The following DCC variants were observed in gnomAD, a reference collection of about 807,000 sequenced individuals.
The protein encoded by DCC is netrin receptor DCC.
DCC carries 58 observed loss-of-function variants against 172.5 expected under a neutral mutation model. The observed-to-expected ratio is 0.34, with a 90% confidence interval of 0.27 to 0.42. DCC has a LOEUF of 0.42. Ranked by LOEUF, DCC falls within the 10% of genes least tolerant of loss-of-function variation. DCC has a pLI of 1.00. For missense variants in DCC, 1,740 were observed against 1,791.0 expected (o/e 0.97, Z 0.51); for synonymous variants, 709 against 644.5 (o/e 1.10, Z -1.52).
intron 27 of DCC, among the ~76,000 whole-genome samples, chr18:53,512,610 G>C (rs1309188505): frequency 6.6e-6 from 1 of 151,566 alleles, no homozygotes; most frequent in African/African-American, 2.4e-5. Context: ...ACAGAGAAGT[G>C]CTTAAAGGAG....
chr18:53,097,118 T>C (rs2043099470), intron 7 of DCC, among the ~76,000 whole-genome samples: 1 of 152,208 alleles, frequency 6.6e-6, no homozygotes, highest in African/African-American at 2.4e-5. Flanking sequence ...ACTGTGCCCA[T>C]GCAATAATAA....
intron 5 of DCC, among the ~76,000 whole-genome samples, chr18:52,946,468 ATTT>A (rs112763445): frequency 8.6e-5 from 13 of 150,502 alleles, no homozygotes; most frequent in Admixed American, 8.6e-4. Context: ...TTAAAATGAC[ATTT>A]TTTTTTTCTC....
intron 1 of DCC, among the ~76,000 whole-genome samples, chr18:52,460,365 T>C (rs890381643): frequency 4.6e-5 from 7 of 152,210 alleles, no homozygotes; most frequent in Non-Finnish European, 1.0e-4. Flanking sequence ...CCATAGCATT[T>C]GATCTAGCTG....
Position 53,533,478 on chromosome 18 carries a change from T to C in DCC, c.*2825T>C, listed in dbSNP as rs1200712998. On this transcript the variant is annotated 3_prime_UTR_variant, in exon 29 of 29. Coordinates refer to ENST00000442544, the MANE Select transcript of DCC (RefSeq NM_005215.4). ...AAATGTCAGGCAACATCCTCTTTTT[T>C]TTAAAAAAAATGGTATTTTTCTTTA... is the stretch of plus-strand genomic sequence containing the variant. 1 of 152,068 alleles carries C rather than the reference T, an allele frequency of 6.6e-6. No individual in the cohort carries two copies. The highest frequency in any genetic ancestry group is 2.4e-5 in the African/African-American group (1 of 41,410). The allele number at this position is 152,068 out of a possible 1,614,324, so 9.4% of individuals were successfully genotyped here.
intron 1 of DCC, among the ~76,000 whole-genome samples, chr18:52,562,859 G>A (rs2144743068): frequency 6.6e-6 from 1 of 151,922 alleles, no homozygotes; most frequent in East Asian, 1.9e-4. Flanking sequence ...CAAACTCCTG[G>A]GCTTAAGTGA....
intron 1 of DCC, among the ~76,000 whole-genome samples, chr18:52,472,766 A>T (rs1988983633): frequency 6.6e-6 from 1 of 152,096 alleles, no homozygotes; most frequent in African/African-American, 2.4e-5. Flanking sequence ...TTAGCCGGGT[A>T]AGGTGGCATG....
chr18:52,528,846 A>G, intron 1 of DCC, among the ~76,000 whole-genome samples: 1 of 152,164 alleles, frequency 6.6e-6, no homozygotes, highest in Middle Eastern at 3.2e-3. Context: ...TGGGATAAAA[A>G]TACGACTGGT....
chr18:53,141,961 T>A (rs940690151), intron 7 of DCC, among the ~76,000 whole-genome samples: 1 of 152,206 alleles, frequency 6.6e-6, no homozygotes, highest in Non-Finnish European at 1.5e-5. Context: ...CTGTCCAACA[T>A]GTTGAATTCC....
chr18:52,886,605 T>A (rs2039573118), intron 2 of DCC, among the ~76,000 whole-genome samples: 1 of 152,112 alleles, frequency 6.6e-6, no homozygotes, highest in Non-Finnish European at 1.5e-5. Flanking sequence ...TTCGTTGTCT[T>A]TTTTCCTGTC....
At chr18:52,689,490 A>G (rs1022191966) in intron 1 of DCC, among the ~76,000 whole-genome samples, 1 of 152,086 alleles carries the variant, frequency 6.6e-6, no homozygotes, top group African/African-American at 2.4e-5. Context: ...GAATACTTAT[A>G]ATAAGTTGTC....
chr18:53,448,662 C>A (rs1328180715), intron 22 of DCC, among the ~76,000 whole-genome samples: 1 of 149,450 alleles, frequency 6.7e-6, no homozygotes, highest in Non-Finnish European at 1.5e-5. Context: ...TGTTCAAGAC[C>A]AGCCTGGTCA....
chr18:52,917,967 G>C (rs187365151), intron 3 of DCC, among the ~76,000 whole-genome samples: 1 of 142,466 alleles, frequency 7.0e-6, no homozygotes, highest in Non-Finnish European at 1.6e-5. Context: ...ACCAAAATTT[G>C]ACATTAGAAA....
At chr18:53,411,810 A>C (rs1910006755) in intron 20 of DCC, among the ~76,000 whole-genome samples, 1 of 152,108 alleles carries the variant, frequency 6.6e-6, no homozygotes, top group African/African-American at 2.4e-5. Flanking sequence ...TTGTCATCTA[A>C]ATTTTGAGGA....
chr18:52,932,609 T>C (rs183530503), intron 5 of DCC, among the ~76,000 whole-genome samples: 1 of 152,188 alleles, frequency 6.6e-6, no homozygotes, highest in East Asian at 1.9e-4. Flanking sequence ...TTAAAGCAGT[T>C]GTGTAGCAAC....
chr18:52,518,375 CA>C (rs1278031222), intron 1 of DCC, among the ~76,000 whole-genome samples: 1 of 152,034 alleles, frequency 6.6e-6, no homozygotes, highest in African/African-American at 2.4e-5. Context: ...TATGTATTTA[CA>C]AGGAAGAGTA....
At chr18:53,270,880 T>C (rs2056740705) in intron 12 of DCC, among the ~76,000 whole-genome samples, 1 of 152,200 alleles carries the variant, frequency 6.6e-6, no homozygotes, top group African/African-American at 2.4e-5. Flanking sequence ...ATTATATTTA[T>C]AGAGTCCTTA....
At chr18:52,644,783 GGAAAGAAGGAAA>G (rs201955919) in intron 1 of DCC, among the ~76,000 whole-genome samples, 15,989 of 68,910 alleles carry the variant, frequency 0.23, 1,239 homozygotes, top group South Asian at 0.32. Flanking sequence ...AAGGAAAGAA[GGAAAGAAGGAAA>G]GAAGGAAGGA....
intron 1 of DCC, among the ~76,000 whole-genome samples, chr18:52,443,442 T>A (rs940582805): frequency 4.1e-4 from 6 of 14,726 alleles, no homozygotes; most frequent in African/African-American, 4.0e-3. Flanking sequence ...AGAGGAGAAA[T>A]GATGGTGTTT....
intron 7 of DCC, among the ~76,000 whole-genome samples, chr18:53,067,101 G>T (rs1163582349): frequency 6.6e-6 from 1 of 152,080 alleles, no homozygotes; most frequent in African/African-American, 2.4e-5. Context: ...ATGAGAGTTT[G>T]GTGGGGACAC....
Sources: allele counts gnomAD v4.1 joint callset (sites outside exome capture counted in the v4.1 genomes callset), GRCh38; gene constraint gnomAD v4.1.1; transcripts MANE v1.5; gene names NCBI Gene and HGNC (gene_info 2026-07-23, HGNC 2026-07-21).